ANAPC10: variants seen among roughly 807,000 people sequenced by gnomAD.
ANAPC10 encodes anaphase promoting complex subunit 10.
In ANAPC10, 12 loss-of-function variants were observed where a neutral mutation model predicts 22.0. The ratio of observed to expected loss-of-function variants is 0.55; its 90% CI spans 0.35 to 0.88. The LOEUF (loss-of-function observed/expected upper bound fraction) is 0.88, where lower values mean the gene tolerates loss of function less well. ANAPC10 is among the 40% of genes least tolerant of loss of function. The pLI, the probability that ANAPC10 is intolerant of heterozygous loss-of-function variation, is 0.01. For missense variants in ANAPC10, 188 were observed against 220.9 expected (o/e 0.85, Z 0.94); for synonymous variants, 65 against 69.5 (o/e 0.94, Z 0.32).
At chr4:145,065,811 T>C (rs1743589296) in intron 3 of ANAPC10, among the ~76,000 whole-genome samples, 1 of 152,036 alleles carries the variant, frequency 6.6e-6, no homozygotes. Flanking sequence ...TAAAGGCATG[T>C]AAATCTATAT....
chr4:145,046,547 T>C (rs1315407157), intron 4 of ANAPC10, among the ~76,000 whole-genome samples: 2 of 152,092 alleles, frequency 1.3e-5, no homozygotes, highest in Admixed American at 1.3e-4. Context: ...TGTGCTCCAG[T>C]ATGTGAAGTT....
Position 144,995,318 on chromosome 4 carries a change from T to C in ANAPC10, c.*55A>G. The C allele has an allele frequency of 8.5e-7, 1 of 1,173,532 alleles. No homozygotes were observed. Among genetic ancestry groups the C allele is most frequent in the East Asian group, 2.4e-5 (1 of 42,524 alleles). The allele number at this position is 1,173,532 out of a possible 1,614,324, so 72.7% of individuals were successfully genotyped here. On this transcript the variant is annotated 3_prime_UTR_variant, in exon 5 of 5. Transcript: ENST00000507656. ...TTCAATAAAGGTACATGATATATTA[T>C]TTAAATACAGGATAAAACAAAGATA...
intron 4 of ANAPC10, among the ~76,000 whole-genome samples, chr4:145,028,721 T>C (rs534995818): frequency 1.3e-5 from 2 of 152,276 alleles, no homozygotes; most frequent in African/African-American, 4.8e-5. Context: ...AATAAATGTG[T>C]TTGACACTTG....
intron 4 of ANAPC10, among the ~76,000 whole-genome samples, chr4:145,050,020 T>A (rs1273317503): frequency 6.6e-6 from 1 of 152,232 alleles, no homozygotes; most frequent in East Asian, 1.9e-4. Flanking sequence ...TTCATGTGAA[T>A]CACAAATATT....
chr4:145,009,218 G>A (rs1733909247), intron 4 of ANAPC10, among the ~76,000 whole-genome samples: 1 of 152,046 alleles, frequency 6.6e-6, no homozygotes, highest in Non-Finnish European at 1.5e-5. Context: ...CCATGCTCAT[G>A]GATAGGAAGA....
intron 1 of ANAPC10, among the ~76,000 whole-genome samples, chr4:145,096,449 T>C (rs760383246): frequency 2.0e-5 from 3 of 152,152 alleles, no homozygotes; most frequent in Non-Finnish European, 2.9e-5. Context: ...TGACCAGATA[T>C]GCAAAGCAGT....
intron 2 of ANAPC10, among the ~76,000 whole-genome samples, chr4:145,092,788 G>A (rs1579179412): frequency 1.3e-5 from 2 of 152,148 alleles, no homozygotes; most frequent in African/African-American, 2.4e-5. Context: ...ATAGAGGAAA[G>A]GACTTAAGCT....
chr4:145,073,266 A>T (rs1744742204), intron 3 of ANAPC10, among the ~76,000 whole-genome samples: 3 of 152,360 alleles, frequency 2.0e-5, no homozygotes, highest in African/African-American at 7.2e-5. Flanking sequence ...GGGAAAATGC[A>T]ATAAAGTATT....
At chr4:145,032,328 C>A (rs1399273665) in intron 4 of ANAPC10, among the ~76,000 whole-genome samples, 1 of 152,182 alleles carries the variant, frequency 6.6e-6, no homozygotes, top group Non-Finnish European at 1.5e-5. Context: ...GCCGGATGTA[C>A]AATTATACAC....
intron 3 of ANAPC10, among the ~76,000 whole-genome samples, chr4:145,075,156 A>G (rs1054080043): frequency 6.6e-6 from 1 of 152,150 alleles, no homozygotes; most frequent in African/African-American, 2.4e-5. Context: ...TCCCAAAATC[A>G]TACTAGCTTT....
At chr4:145,031,875 T>C (rs935295407) in intron 4 of ANAPC10, among the ~76,000 whole-genome samples, 2 of 152,230 alleles carry the variant, frequency 1.3e-5, no homozygotes, top group African/African-American at 4.8e-5. Flanking sequence ...CAAGTCACCA[T>C]GCAACCTGAA....
At chr4:145,026,397 A>G (rs1289274066) in intron 4 of ANAPC10, among the ~76,000 whole-genome samples, 2 of 152,198 alleles carry the variant, frequency 1.3e-5, no homozygotes, top group African/African-American at 4.8e-5. Context: ...TACATAGCAT[A>G]TAAGTATAAA....
At chr4:145,090,498 A>G (rs750305501) in intron 2 of ANAPC10, among the ~76,000 whole-genome samples, 1 of 152,202 alleles carries the variant, frequency 6.6e-6, no homozygotes, top group Non-Finnish European at 1.5e-5. Flanking sequence ...GATCGTTTCA[A>G]GCAAAGTAAA....
intron 3 of ANAPC10, among the ~76,000 whole-genome samples, chr4:145,067,569 G>C (rs1454223460): frequency 6.6e-6 from 1 of 152,160 alleles, no homozygotes; most frequent in Non-Finnish European, 1.5e-5. Flanking sequence ...GGGTAAGACT[G>C]TTTAATTCTA....
Position 145,069,106 on chromosome 4 carries a change from T to TA in ANAPC10, c.207-4415dup, listed in dbSNP as rs1744119211. ...ACATCTGCTCATGAAGGTTAACTGC[T>TA]ACATGACTTGCCTTCCCACTACAGA... On this transcript the variant is annotated intron_variant, in intron 3 of 4. Transcript: ENST00000507656. Among the ~76,000 whole-genome samples, 3 of 152,316 alleles carry TA rather than the reference T, an allele frequency of 2.0e-5. No individual in the cohort carries two copies. The South Asian group carries it at 6.2e-4, about 32-fold the overall frequency.
intron 4 of ANAPC10, among the ~76,000 whole-genome samples, chr4:145,054,091 T>A (rs915295777): frequency 6.6e-6 from 1 of 151,696 alleles, no homozygotes; most frequent in Non-Finnish European, 1.5e-5. Context: ...CTAATTTTAG[T>A]AGAGATGGGG....
intron 2 of ANAPC10, among the ~76,000 whole-genome samples, chr4:145,092,759 T>A (rs1329601258): frequency 6.6e-6 from 1 of 152,126 alleles, no homozygotes; most frequent in Non-Finnish European, 1.5e-5. Flanking sequence ...TCTACCCTCC[T>A]TCCAAACCCT....
At chr4:145,031,160 A>C (rs991193898) in intron 4 of ANAPC10, among the ~76,000 whole-genome samples, 1 of 152,008 alleles carries the variant, frequency 6.6e-6, no homozygotes, top group African/African-American at 2.4e-5. Flanking sequence ...GGGTATATCA[A>C]CTCTCTGGCT....
intron 4 of ANAPC10, among the ~76,000 whole-genome samples, chr4:145,059,043 A>T (rs1274182624): frequency 1.3e-5 from 2 of 152,170 alleles, no homozygotes; most frequent in Non-Finnish European, 2.9e-5. Context: ...AAGACTTGAT[A>T]AATTACACTT....
Sources: gnomAD v4.1 joint callset for allele counts (sites outside exome capture counted in the v4.1 genomes callset) on GRCh38, gnomAD v4.1.1 for gene constraint, MANE v1.5 for transcripts, NCBI Gene and HGNC (gene_info 2026-07-23, HGNC 2026-07-21) for gene names.